Variants in TAFA1 observed in about 807,000 individuals in gnomAD.
TAFA1 encodes chemokine-like protein TAFA-1.
TAFA1 carries 4 observed loss-of-function variants against 18.5 expected under a neutral mutation model. That is an observed-to-expected ratio of 0.22 (90% confidence interval 0.11 to 0.49). The LOEUF is 0.49. Among genes scored for constraint, TAFA1 ranks in the 20% least tolerant of loss-of-function variants. TAFA1 has a pLI of 0.98. For synonymous variants in TAFA1, 56 were observed against 55.2 expected (o/e 1.01, Z -0.06); for missense variants, 147 against 169.0 (o/e 0.87, Z 0.72).
intron 3 of TAFA1, among the ~76,000 whole-genome samples, chr3:68,502,668 A>C (rs1443772678): frequency 6.6e-6 from 1 of 151,864 alleles, no homozygotes; most frequent in Non-Finnish European, 1.5e-5. Flanking sequence ...CCCCAGCCCC[A>C]TGTACTTTTG....
At chr3:68,393,263 G>T (rs910646864) in intron 2 of TAFA1, among the ~76,000 whole-genome samples, 9 of 151,854 alleles carry the variant, frequency 5.9e-5, no homozygotes, top group Non-Finnish European at 1.3e-4. Context: ...TAGAAGAAAT[G>T]GATAAATTCC....
chr3:68,297,313 G>A (rs2068225257), intron 2 of TAFA1, among the ~76,000 whole-genome samples: 1 of 152,158 alleles, frequency 6.6e-6, no homozygotes, highest in Admixed American at 6.5e-5. Flanking sequence ...AGCATCACTA[G>A]CCTATCTTTA....
intron 2 of TAFA1, among the ~76,000 whole-genome samples, chr3:68,055,220 A>C (rs1367226865): frequency 1.3e-5 from 2 of 152,118 alleles, no homozygotes; most frequent in African/African-American, 4.8e-5. Flanking sequence ...ACTCAGAAAC[A>C]CCTCACCTAA....
intron 2 of TAFA1, among the ~76,000 whole-genome samples, chr3:68,324,543 G>A (rs2068746991): frequency 6.6e-6 from 1 of 152,148 alleles, no homozygotes; most frequent in African/African-American, 2.4e-5. Context: ...TGTAGGATTT[G>A]GCTTGTGACA....
intron 3 of TAFA1, among the ~76,000 whole-genome samples, chr3:68,480,868 T>C (rs1420604724): frequency 1.3e-5 from 2 of 152,136 alleles, no homozygotes; most frequent in Non-Finnish European, 2.9e-5. Context: ...AATTGAATTA[T>C]AGGGGCAGTT....
intron 2 of TAFA1, among the ~76,000 whole-genome samples, chr3:68,160,815 C>A (rs577094020): frequency 6.6e-6 from 1 of 152,318 alleles, no homozygotes; most frequent in African/African-American, 2.4e-5. Context: ...CCTCTCAGAG[C>A]TGGAGGAGAA....
At chr3:68,106,533 G>A (rs1275280422) in intron 2 of TAFA1, among the ~76,000 whole-genome samples, 1 of 152,088 alleles carries the variant, frequency 6.6e-6, no homozygotes, top group African/African-American at 2.4e-5. Flanking sequence ...TGTAACTTGA[G>A]TAAGGCAACG....
chr3:68,197,861 A>G (rs1443709951), intron 2 of TAFA1, among the ~76,000 whole-genome samples: 1 of 151,720 alleles, frequency 6.6e-6, no homozygotes, highest in Admixed American at 6.6e-5. Context: ...GTTCCTGTAT[A>G]TAGGTGGGTT....
At chr3:68,410,705 CAAAA>C (rs34714719) in intron 2 of TAFA1, among the ~76,000 whole-genome samples, 3,326 of 36,078 alleles carry the variant, frequency 0.092, 7 homozygotes, top group Middle Eastern at 0.11. Flanking sequence ...TTTCCATAAG[CAAAA>C]AAAAAAAAAA....
chr3:68,311,097 A>G (rs1018998193), intron 2 of TAFA1, among the ~76,000 whole-genome samples: 9 of 152,134 alleles, frequency 5.9e-5, no homozygotes, highest in African/African-American at 2.2e-4. Context: ...TTGTGCAGGG[A>G]GACTCCCATT....
chr3:68,456,669 G>A (rs1249572092), intron 3 of TAFA1, among the ~76,000 whole-genome samples: 1 of 152,044 alleles, frequency 6.6e-6, no homozygotes, highest in African/African-American at 2.4e-5. Context: ...CTTTCTTATA[G>A]CAATCTTGCA....
At chr3:68,350,604 G>A (rs1186308320) in intron 2 of TAFA1, among the ~76,000 whole-genome samples, 1 of 152,072 alleles carries the variant, frequency 6.6e-6, no homozygotes, top group Non-Finnish European at 1.5e-5. Flanking sequence ...ATAAAACAAG[G>A]ACAGGTATTG....
At chr3:68,389,696 C>T (rs552627696) in intron 2 of TAFA1, among the ~76,000 whole-genome samples, 9 of 152,082 alleles carry the variant, frequency 5.9e-5, no homozygotes, top group African/African-American at 9.6e-5. Context: ...AGACAGTGGG[C>T]GCAACCCACA....
At chr3:68,462,455 C>T (rs990020276) in intron 3 of TAFA1, among the ~76,000 whole-genome samples, 1 of 152,240 alleles carries the variant, frequency 6.6e-6, no homozygotes, top group Non-Finnish European at 1.5e-5. Flanking sequence ...GCTCCTCACT[C>T]ACCTTTCACC....
At chr3:68,528,116 T>G (rs1200792025) in intron 3 of TAFA1, among the ~76,000 whole-genome samples, 1 of 152,188 alleles carries the variant, frequency 6.6e-6, no homozygotes, top group African/African-American at 2.4e-5. Flanking sequence ...TAACCCTGTA[T>G]GAAGGTGAGG....
intron 2 of TAFA1, among the ~76,000 whole-genome samples, chr3:68,125,064 G>T (rs758209052): frequency 1.3e-5 from 2 of 152,196 alleles, no homozygotes; most frequent in African/African-American, 4.8e-5. Flanking sequence ...TACTTGGAAG[G>T]TGGAAGAAAT....
chr3:67,993,033 A>AG, the TAFA1 span, among the ~76,000 whole-genome samples: 1 of 152,236 alleles, frequency 6.6e-6, no homozygotes, highest in South Asian at 2.1e-4. Flanking sequence ...CAAAGCCATC[A>AG]GGGGTGCAGA....
chr3:68,232,502 T>C (rs1189548640), intron 2 of TAFA1, among the ~76,000 whole-genome samples: 1 of 152,224 alleles, frequency 6.6e-6, no homozygotes, highest in Non-Finnish European at 1.5e-5. Context: ...TTGTGAATAG[T>C]GCTGAAATAA....
chr3:68,335,077 A>G (rs1347058431), intron 2 of TAFA1, among the ~76,000 whole-genome samples: 1 of 152,218 alleles, frequency 6.6e-6, no homozygotes, highest in African/African-American at 2.4e-5. Flanking sequence ...ATGTGACCAT[A>G]ATGGTCATTC....
Sources: allele counts gnomAD v4.1 joint callset (sites outside exome capture counted in the v4.1 genomes callset), GRCh38; gene constraint gnomAD v4.1.1; transcripts MANE v1.5; gene names NCBI Gene and HGNC (gene_info 2026-07-23, HGNC 2026-07-21).